The following BCAS3 variants were observed in gnomAD, a reference collection of about 807,000 sequenced individuals.
The protein encoded by BCAS3 is BCAS3 microtubule associated cell migration factor.
In BCAS3, 53 loss-of-function variants were observed where a neutral mutation model predicts 116.1. The observed-to-expected ratio is 0.46, with a 90% CI of 0.37 to 0.57. BCAS3 has a LOEUF of 0.57. Ranked by LOEUF, BCAS3 falls within the 20% of genes least tolerant of loss-of-function variation. BCAS3 has a pLI of 0.00. For synonymous variants in BCAS3, 391 were observed against 408.2 expected (o/e 0.96, Z 0.51); for missense variants, 917 against 1,165.4 (o/e 0.79, Z 3.10).
chr17:60,980,898 A>G (rs1288874235), intron 14 of BCAS3, among the ~76,000 whole-genome samples: 1 of 152,092 alleles, frequency 6.6e-6, no homozygotes, highest in East Asian at 1.9e-4. Context: ...CAGTGGCACC[A>G]GTATGGCTCA....
At chr17:61,191,595 G>A (rs2080121235) in intron 22 of BCAS3, among the ~76,000 whole-genome samples, 1 of 151,852 alleles carries the variant, frequency 6.6e-6, no homozygotes, top group South Asian at 2.1e-4. Flanking sequence ...CTAACATGGT[G>A]AAACCCCGTC....
rs199849880 is a variant in BCAS3, at chr17:61,060,306, TG to T, written c.2030-14613del. Among the ~76,000 whole-genome samples, 397 of 146,106 alleles carry T rather than the reference TG, an allele frequency of 2.7e-3. 3 individuals carry two copies. The highest frequency in any genetic ancestry group is 4.2e-3 in the African/African-American group (167 of 40,112). The stretch of plus-strand genomic sequence containing the variant: ...CACACCCGGCTAATTTTTTTTTTTT[TG>T]TGTATTTTTAGTAGAGACGGGGTTT... On this transcript the variant is annotated intron_variant, in intron 19 of 23. Transcript: ENST00000407086.
rs148263367 is a variant in BCAS3, at chr17:61,142,321, C to T, written c.2425+57757C>T. Among the ~76,000 whole-genome samples, 486 of 152,248 alleles carry T rather than the reference C, an allele frequency of 3.2e-3. 3 individuals carry two copies. Among genetic ancestry groups the T allele is most frequent in the African/African-American group, 0.011 (469 of 41,550 alleles). On this transcript the variant is annotated intron_variant, in intron 22 of 23. Transcript: ENST00000407086. ...TGATGTCTTAACTACTATAGTACAG[C>T]GGCTTTCTTGATGCTAGATGATGTG...
chr17:61,061,964 C>T (rs1016686593), intron 19 of BCAS3, among the ~76,000 whole-genome samples: 22 of 152,256 alleles, frequency 1.4e-4, no homozygotes, highest in African/African-American at 4.8e-4. Context: ...AGAAGTAGCA[C>T]ACCCCCTTTA....
Position 61,261,068 on chromosome 17 carries a change from C to T in BCAS3, c.2426-107259C>T, listed in dbSNP as rs73993411. ...AATGCTCTCCCAAACTATCATCAAACGCATTTATCTAATTTGACACATTTT... is the reference window on the plus strand; with the variant it reads ...AATGCTCTCCCAAACTATCATCAAATGCATTTATCTAATTTGACACATTTT... On this transcript the variant is annotated intron_variant, in intron 22 of 23. Transcript: ENST00000407086. This position sits in a 1 kb window ranked among gnomAD's most constrained non-coding sequence, Gnocchi z 4.4. Among the ~76,000 whole-genome samples, 582 of 152,234 alleles carry T rather than the reference C, an allele frequency of 3.8e-3. 3 individuals are homozygous for T. Among genetic ancestry groups the T allele is most frequent in the African/African-American group, 0.014 (566 of 41,526 alleles).
intron 5 of BCAS3, among the ~76,000 whole-genome samples, chr17:60,746,683 A>AAT (rs2042039810): frequency 6.6e-6 from 1 of 152,276 alleles, no homozygotes; most frequent in East Asian, 1.9e-4. Context: ...ATTGTGAAAG[A>AAT]ATATAGGCTT....
intron 16 of BCAS3, among the ~76,000 whole-genome samples, chr17:61,018,290 GTTTTTTTT>G (rs10570881): frequency 1.3e-4 from 11 of 83,058 alleles, no homozygotes; most frequent in African/African-American, 4.9e-4. Context: ...AAATTCCCCA[GTTTTTTTT>G]TTTTTTTTTT....
intron 12 of BCAS3, among the ~76,000 whole-genome samples, chr17:60,923,745 G>T (rs1380722277): frequency 6.6e-6 from 1 of 152,114 alleles, no homozygotes; most frequent in Non-Finnish European, 1.5e-5. Flanking sequence ...TTATATTTCA[G>T]TGTAGCCTTA....
chr17:61,317,706 G>A (rs2054864603), intron 22 of BCAS3, among the ~76,000 whole-genome samples: 1 of 152,212 alleles, frequency 6.6e-6, no homozygotes, highest in Non-Finnish European at 1.5e-5. Flanking sequence ...TAGTTGGCAA[G>A]GTAAGTAGGG....
chr17:61,328,862 C>T (rs1359050372), intron 22 of BCAS3, among the ~76,000 whole-genome samples: 2 of 151,136 alleles, frequency 1.3e-5, no homozygotes, highest in Non-Finnish European at 2.9e-5. Context: ...TCTGTGCCTT[C>T]ACATGGCAGA....
At chr17:61,372,391 C>G (rs1020500497) in intron 23 of BCAS3, among the ~76,000 whole-genome samples, 3 of 152,242 alleles carry the variant, frequency 2.0e-5, no homozygotes, top group Non-Finnish European at 4.4e-5. Flanking sequence ...CTCTCAGTAC[C>G]TGGCAATCTC....
At chr17:60,848,349 G>A (rs1332138460) in intron 7 of BCAS3, among the ~76,000 whole-genome samples, 1 of 152,140 alleles carries the variant, frequency 6.6e-6, no homozygotes. Flanking sequence ...AATTTCGAAA[G>A]ATATTGTATT....
chr17:61,315,352 C>G lies in BCAS3; in HGVS notation c.2426-52975C>G, dbSNP rs1356821273. On this transcript the variant is annotated intron_variant, in intron 22 of 23. Transcript: ENST00000407086. The surrounding 1 kb of genome is among the most constrained non-coding windows in gnomAD (Gnocchi z 5.3). ...ATGGATGGTCTCAAACTCCTGACCT[C>G]AGGTGATCCGGCCGCCTCAGCCTCC... Among the ~76,000 whole-genome samples the G allele has an allele frequency of 1.3e-5, 2 of 152,106 alleles. No individual in the cohort carries two copies. Among genetic ancestry groups the G allele is most frequent in the African/African-American group, 4.8e-5 (2 of 41,398 alleles).
At chr17:60,694,548 G>C (rs1176354044) in intron 4 of BCAS3, among the ~76,000 whole-genome samples, 1 of 151,890 alleles carries the variant, frequency 6.6e-6, no homozygotes, top group Non-Finnish European at 1.5e-5. Context: ...AGGTCTCACT[G>C]TGTTGCCTAG....
intron 6 of BCAS3, among the ~76,000 whole-genome samples, chr17:60,796,964 G>T (rs376041150): frequency 6.6e-6 from 1 of 152,132 alleles, no homozygotes; most frequent in Non-Finnish European, 1.5e-5. Flanking sequence ...GGAGTGCTGT[G>T]GCGTGATCTC....
intron 22 of BCAS3, among the ~76,000 whole-genome samples, chr17:61,129,170 A>G (rs2076201788): frequency 6.6e-6 from 1 of 152,232 alleles, no homozygotes; most frequent in Non-Finnish European, 1.5e-5. Flanking sequence ...GTAAGAAAGG[A>G]AATTAAAGGA....
At chr17:60,925,527 G>C (rs1304371374) in intron 13 of BCAS3, among the ~76,000 whole-genome samples, 1 of 152,138 alleles carries the variant, frequency 6.6e-6, no homozygotes, top group Non-Finnish European at 1.5e-5. Context: ...CATTATTTCT[G>C]AAGCAACTTT....
intron 19 of BCAS3, among the ~76,000 whole-genome samples, chr17:61,050,455 G>A (rs2068757425): frequency 6.6e-6 from 1 of 151,790 alleles, no homozygotes; most frequent in Non-Finnish European, 1.5e-5. Context: ...CAGGGGGGTG[G>A]GAAATGGAAC....
At chr17:61,006,543 A>G (rs1199882374) in intron 15 of BCAS3, among the ~76,000 whole-genome samples, 1 of 152,122 alleles carries the variant, frequency 6.6e-6, no homozygotes, top group African/African-American at 2.4e-5. Context: ...TGTGAGGTAA[A>G]GATGGGAGAG....
Sources: gnomAD v4.1 joint callset for allele counts (sites outside exome capture counted in the v4.1 genomes callset) on GRCh38, gnomAD v4.1.1 for gene constraint, Gnocchi (gnomAD v3.1) non-coding constraint, MANE v1.5 for transcripts, NCBI Gene and HGNC (gene_info 2026-07-23, HGNC 2026-07-21) for gene names.